The following PICALM variants were observed in gnomAD, a reference collection of about 807,000 sequenced individuals.
The protein encoded by PICALM is phosphatidylinositol-binding clathrin assembly protein.
In PICALM, 40 loss-of-function variants were observed where a neutral mutation model predicts 80.5. The ratio of observed to expected loss-of-function variants is 0.50; its 90% confidence interval spans 0.39 to 0.65. The LOEUF (loss-of-function observed/expected upper bound fraction) is 0.65. Among genes scored for constraint, PICALM ranks in the 30% least tolerant of loss-of-function variants. The pLI is 0.00. For missense variants in PICALM, 676 were observed against 778.9 expected, an observed-to-expected ratio of 0.87 and a Z score of 1.57; for synonymous variants, 288 against 260.3, an observed-to-expected ratio of 1.11 and a Z score of -1.02.
At chr11:86,037,121 T>A (rs1358757110) in intron 1 of PICALM, among the ~76,000 whole-genome samples, 1 of 151,022 alleles carries the variant, frequency 6.6e-6, no homozygotes, top group Admixed American at 6.6e-5. Flanking sequence ...AATTTTTGTA[T>A]TTTTAGTAGA....
chr11:86,025,726 T>TA (rs2095640000), intron 3 of PICALM, among the ~76,000 whole-genome samples: 1 of 151,802 alleles, frequency 6.6e-6, no homozygotes, highest in East Asian at 2.0e-4. Flanking sequence ...TCCCGGCTAA[T>TA]TTTTGTATTT....
chr11:86,014,816 T>C (rs2095454533), intron 5 of PICALM, 54 bp downstream of exon 5: 2 of 1,005,330 alleles, frequency 2.0e-6, no homozygotes, highest in Admixed American at 5.7e-5. Context: ...AAAATTCTCA[T>C]GAATTATAAT....
At position 86,016,348 on chromosome 11, in the gene PICALM, T is replaced by C. The variant is rs1203770334; in HGVS notation, c.453-1385A>G. Among the ~76,000 whole-genome samples the C allele has an allele frequency of 3.3e-5, 5 of 152,326 alleles. No individual in the cohort carries two copies. The East Asian group carries it at 9.6e-4, about 29-fold the overall frequency. ...AAGGTAAAATTCAGACACCTTATTC[T>C]GTGACAATTACCTTTTAACCTTTCA... On this transcript the variant is annotated intron_variant, in intron 4 of 19. Coordinates refer to ENST00000393346, the MANE Select transcript of PICALM (RefSeq NM_007166.4).
At chr11:86,062,893 C>A (rs2096389989) in intron 1 of PICALM, among the ~76,000 whole-genome samples, 2 of 152,194 alleles carry the variant, frequency 1.3e-5, no homozygotes, top group South Asian at 4.1e-4. Flanking sequence ...GGAAATGCCA[C>A]TTTAGCTACC....
chr11:86,012,358 T>C lies in PICALM; in HGVS notation c.581A>G (p.Asn194Ser). Residue 194 changes from asparagine (N) to serine (S), a missense_variant, in exon 6 of 20, where the codon AAT becomes AGT. Asn to Ser is a conservative substitution (Grantham distance 46, BLOSUM62 1). Transcript: ENST00000393346. Reference sequence around the variant, plus strand: ...TTTGAACAGGAGCATGAAGGCAGCATTTATTACCCCATTTGTAAGTTCATT... The same window carrying C: ...TTTGAACAGGAGCATGAAGGCAGCACTTATTACCCCATTTGTAAGTTCATT... Reference protein sequence around the residue: ...NSNELTNGVINAAFMLLFKDA... With the variant: ...NSNELTNGVISAAFMLLFKDA... 6.2e-7 allele frequency: 1 copy of C among 1,610,062 alleles called. No individual in the cohort carries two copies. The highest frequency in any genetic ancestry group is 8.5e-7 in the Non-Finnish European group (1 of 1,176,982).
chr11:86,017,574 A>C (rs977299770), intron 4 of PICALM, among the ~76,000 whole-genome samples: 40 of 152,366 alleles, frequency 2.6e-4, no homozygotes, highest in African/African-American at 9.6e-4. Context: ...TCCTGACAGG[A>C]AAGTACTAAT....
At chr11:86,007,826 C>G (rs907229254) in intron 7 of PICALM, among the ~76,000 whole-genome samples, 3 of 152,040 alleles carry the variant, frequency 2.0e-5, no homozygotes, top group African/African-American at 7.2e-5. Context: ...GTTACCATCC[C>G]TGTCTTCTGA....
Sources: gnomAD v4.1 joint callset for allele counts (sites outside exome capture counted in the v4.1 genomes callset) on GRCh38, gnomAD v4.1.1 for gene constraint, MANE v1.5 for transcripts, NCBI Gene and HGNC (gene_info 2026-07-23, HGNC 2026-07-21) for gene names.